Variants in KIF26B observed in about 807,000 individuals in gnomAD.
KIF26B encodes the protein kinesin family member 26B.
A neutral mutation model predicts 151.2 loss-of-function variants in KIF26B; 63 were observed. The ratio of observed to expected loss-of-function variants is 0.42; its 90% confidence interval spans 0.34 to 0.51. The LOEUF (loss-of-function observed/expected upper bound fraction) is 0.51. KIF26B is among the 20% of genes least tolerant of loss of function. The pLI, the probability that KIF26B is intolerant of heterozygous loss-of-function variation, is 0.07. For missense variants in KIF26B, 2,813 were observed against 2,913.6 expected (o/e 0.97, Z 0.79); for synonymous variants, 1,357 against 1,262.1 (o/e 1.08, Z -1.59).
intron 2 of KIF26B, among the ~76,000 whole-genome samples, chr1:245,362,422 C>CAGCT (rs1177883950): frequency 6.6e-6 from 1 of 150,526 alleles, no homozygotes. Flanking sequence ...CCTGTAGTCC[C>CAGCT]AGCTACTCAG....
At chr1:245,341,921 C>G (rs879864269) in intron 2 of KIF26B, among the ~76,000 whole-genome samples, 6 of 152,166 alleles carry the variant, frequency 3.9e-5, no homozygotes, top group African/African-American at 1.2e-4. Context: ...TCTCCCTCCC[C>G]CTTAAGGGTT....
intron 2 of KIF26B, among the ~76,000 whole-genome samples, chr1:245,257,588 G>C (rs953888273): frequency 2.6e-5 from 4 of 152,218 alleles, no homozygotes; most frequent in African/African-American, 9.6e-5. Flanking sequence ...GGCCCGTCGT[G>C]TGAAAAGCTT....
intron 4 of KIF26B, among the ~76,000 whole-genome samples, chr1:245,457,488 T>G (rs1335576889): frequency 6.6e-6 from 1 of 152,238 alleles, no homozygotes; most frequent in Non-Finnish European, 1.5e-5. Flanking sequence ...AGAAAGATTT[T>G]ATCAAATCTT....
intron 9 of KIF26B, among the ~76,000 whole-genome samples, chr1:245,614,566 A>G (rs1336084301): frequency 6.6e-6 from 1 of 152,202 alleles, no homozygotes; most frequent in Non-Finnish European, 1.5e-5. Flanking sequence ...GAGTTCCTCT[A>G]ACTGGGGCTG....
intron 4 of KIF26B, among the ~76,000 whole-genome samples, chr1:245,490,987 G>A (rs1660397599): frequency 6.6e-6 from 1 of 152,190 alleles, no homozygotes; most frequent in South Asian, 2.1e-4. Flanking sequence ...TAGCGAATAA[G>A]TCAGAGCCTC....
At chr1:245,282,853 G>T (rs186409795) in intron 2 of KIF26B, 5 of 228,342 alleles carry the variant, frequency 2.2e-5, no homozygotes, top group Non-Finnish European at 4.9e-5. Flanking sequence ...TCTGTGAGCA[G>T]CAATTATTTT....
In KIF26B at chr1:245,156,614, C is replaced by T; in HGVS notation, c.396C>T (p.Cys132=). The T allele has an allele frequency of 6.6e-7, 1 of 1,525,260 alleles. No homozygotes were observed. The highest frequency in any genetic ancestry group is 8.7e-7 in the Non-Finnish European group (1 of 1,143,042). The allele number at this position is 1,525,260 out of a possible 1,614,324, so 94.5% of individuals were successfully genotyped here. A position where few individuals can be genotyped will look rare whatever the true frequency, so the allele number is the denominator to read the frequency against. The change falls in exon 2 of 15, where the codon TGC becomes TGT. Residue 132 remains cysteine (C), a synonymous_variant. Transcript: ENST00000407071. ...ACCGCGGCGTCTGGTGCGAGAACTG[C>T]AACGCCCGCCTGGTGGAGCTCAAGA... ...GSDRGVWCEN[C]NARLVELKRQ...
intron 2 of KIF26B, among the ~76,000 whole-genome samples, chr1:245,192,570 CT>C: frequency 6.6e-6 from 1 of 152,280 alleles, no homozygotes; most frequent in South Asian, 2.1e-4. Context: ...CAAACTCTGT[CT>C]CCTGCTAAAT....
At chr1:245,205,714 C>CT (rs67318995) in intron 2 of KIF26B, among the ~76,000 whole-genome samples, 11 of 140,202 alleles carry the variant, frequency 7.8e-5, no homozygotes, top group African/African-American at 2.9e-4. Context: ...CTTTTCTTTT[C>CT]TTTTTTTTTT....
At chr1:245,160,354 C>T (rs1426099999) in intron 2 of KIF26B, among the ~76,000 whole-genome samples, 1 of 152,204 alleles carries the variant, frequency 6.6e-6, no homozygotes, top group Non-Finnish European at 1.5e-5. Flanking sequence ...CCCTTTTACC[C>T]ACTGTAGCCT....
rs564195811 is a variant in KIF26B at position 245,519,747 on chromosome 1, T to C, written c.1167-21020T>C. Among the ~76,000 whole-genome samples, 10 of 152,266 alleles carry C rather than the reference T, an allele frequency of 6.6e-5. No individual in the cohort carries two copies. The South Asian group carries it at 1.7e-3, about 25-fold the overall frequency. ...AGGACTGTTGCTGTACTGAATAGTG[T>C]AGCCATTTGTAACACAATGGTAAGT... On this transcript the variant is annotated intron_variant, in intron 4 of 14. Coordinates refer to ENST00000407071, the MANE Select transcript of KIF26B (RefSeq NM_018012.4).
chr1:245,208,388 A>C (rs573796246), intron 2 of KIF26B, among the ~76,000 whole-genome samples: 1 of 152,286 alleles, frequency 6.6e-6, no homozygotes, highest in African/African-American at 2.4e-5. Context: ...TGTAATTGAC[A>C]CAAGTTGGTC....
At chr1:245,697,353 T>C (rs1181564691) in intron 12 of KIF26B, among the ~76,000 whole-genome samples, 1 of 152,174 alleles carries the variant, frequency 6.6e-6, no homozygotes, top group Non-Finnish European at 1.5e-5. Context: ...GGATAGATAC[T>C]GGGAGAGAAC....
chr1:245,155,610 G>C (rs1296798123), intron 1 of KIF26B, 123 bp downstream of exon 1: 2 of 830,430 alleles, frequency 2.4e-6, no homozygotes, highest in East Asian at 3.0e-5. Context: ...CGCCCCCGGG[G>C]CTGGCGGGGT....
chr1:245,475,800 G>C (rs998164651), intron 4 of KIF26B, among the ~76,000 whole-genome samples: 1 of 151,830 alleles, frequency 6.6e-6, no homozygotes, highest in Non-Finnish European at 1.5e-5. Context: ...CAGTCTATAC[G>C]TTGTTTGTGG....
At position 245,163,869 on chromosome 1, in the gene KIF26B, T is replaced by C. The variant is rs141293032; in HGVS notation, c.465+7186T>C. Among the ~76,000 whole-genome samples, 1,022 of 152,310 alleles carry C rather than the reference T, an allele frequency of 6.7e-3. 9 individuals carry two copies. The highest frequency in any genetic ancestry group is 0.022 in the African/African-American group (898 of 41,578). Reference sequence around the variant, plus strand: ...CCCGTCGCCTTATTAAATTCTACTATATTCACTGATTTTTAAAAAATTGGT... The same window carrying C: ...CCCGTCGCCTTATTAAATTCTACTACATTCACTGATTTTTAAAAAATTGGT... On this transcript the variant is annotated intron_variant, in intron 2 of 14. Transcript: ENST00000407071.
At chr1:245,304,117 C>A (rs1413895856) in intron 2 of KIF26B, among the ~76,000 whole-genome samples, 2 of 152,188 alleles carry the variant, frequency 1.3e-5, no homozygotes, top group Non-Finnish European at 2.9e-5. Context: ...GCCACAGACC[C>A]AGGGGGCACA....
At chr1:245,605,825 C>T (rs1274594860) in intron 6 of KIF26B, among the ~76,000 whole-genome samples, 2 of 152,180 alleles carry the variant, frequency 1.3e-5, no homozygotes, top group Admixed American at 6.5e-5. Flanking sequence ...GGGATGCCGC[C>T]CCAACTCTGC....
intron 3 of KIF26B, among the ~76,000 whole-genome samples, chr1:245,411,977 G>A (rs1404269418): frequency 6.6e-6 from 1 of 152,112 alleles, no homozygotes; most frequent in Non-Finnish European, 1.5e-5. Context: ...ACTTTGATCC[G>A]GGCGTGCATT....
Sources: gnomAD v4.1 joint callset for allele counts (sites outside exome capture counted in the v4.1 genomes callset) on GRCh38, gnomAD v4.1.1 for gene constraint, MANE v1.5 for transcripts, NCBI Gene and HGNC (gene_info 2026-07-23, HGNC 2026-07-21) for gene names.